The following RBM47 variants were observed in gnomAD, a reference collection of about 807,000 sequenced individuals.
RBM47 encodes the protein RNA binding motif protein 47.
A neutral mutation model predicts 47.1 loss-of-function variants in RBM47; 21 were observed. The ratio of observed to expected loss-of-function variants is 0.45; its 90% CI spans 0.32 to 0.64. The LOEUF is 0.64. Ranked by LOEUF, RBM47 falls within the 30% of genes least tolerant of loss-of-function variation. RBM47 has a pLI of 0.05. For missense variants in RBM47, 708 were observed against 870.9 expected (o/e 0.81, Z 2.35); for synonymous variants, 375 against 361.7 (o/e 1.04, Z -0.42).
At chr4:40,523,104 T>C (rs1726362068) in intron 2 of RBM47, among the ~76,000 whole-genome samples, 3 of 151,858 alleles carry the variant, frequency 2.0e-5, no homozygotes. Flanking sequence ...TAGCTGGGAT[T>C]ATAGGCATGC....
At chr4:40,558,038 C>T (rs1336313932) in intron 1 of RBM47, among the ~76,000 whole-genome samples, 1 of 152,188 alleles carries the variant, frequency 6.6e-6, no homozygotes, top group East Asian at 1.9e-4. Flanking sequence ...TTACATCGTC[C>T]TGAATTCCTC....
intron 1 of RBM47, among the ~76,000 whole-genome samples, chr4:40,570,609 G>A (rs934146274): frequency 1.3e-4 from 20 of 151,976 alleles, no homozygotes; most frequent in African/African-American, 4.6e-4. Flanking sequence ...GATCTAAAGG[G>A]CGTTCCTGAA....
At position 40,464,890 on chromosome 4, in the gene RBM47, CAAAAAAAAAAAAAAA is replaced by C. The variant is rs71646997; in HGVS notation, c.-32+1672_-32+1686del. Among the ~76,000 whole-genome samples the C allele has an allele frequency of 1.2e-4, 4 of 32,096 alleles. No homozygotes were observed. The South Asian group carries it at 7.3e-3, about 59-fold the overall frequency. 21.1% of individuals were successfully genotyped at this position (32,096 alleles called of 152,430 possible). A position where few individuals can be genotyped will look rare whatever the true frequency, so the allele number is the denominator to read the frequency against. Reference sequence around the variant, plus strand: ...TGGGCGACAGAGCAAGACTCTGTCTCAAAAAAAAAAAAAAAAAAAAAAAAAAGGAAAAGAAAATTA... The same window carrying C: ...TGGGCGACAGAGCAAGACTCTGTCTCAAAAAAAAAAAGGAAAAGAAAATTA... On this transcript the variant is annotated intron_variant, in intron 3 of 6. Coordinates refer to ENST00000295971, the MANE Select transcript of RBM47 (RefSeq NM_001098634.2).
intron 3 of RBM47, among the ~76,000 whole-genome samples, chr4:40,439,262 C>A (rs960106704): frequency 6.6e-6 from 1 of 152,210 alleles, no homozygotes; most frequent in Admixed American, 6.5e-5. Context: ...TTCATTCCTG[C>A]ACCGTTAACT....
chr4:40,561,779 C>T (rs6828311), intron 1 of RBM47, among the ~76,000 whole-genome samples: 38,976 of 151,752 alleles, frequency 0.26, 6,361 homozygotes, highest in African/African-American at 0.47. Flanking sequence ...CGAACTCCTG[C>T]GCTCAAGCAA....
intron 2 of RBM47, among the ~76,000 whole-genome samples, chr4:40,540,638 C>CAA (rs367927651): frequency 2.8e-5 from 3 of 106,952 alleles, no homozygotes; most frequent in Non-Finnish European, 5.6e-5. Context: ...AACTCTGTCT[C>CAA]AAAAAAAAAA....
At chr4:40,582,576 T>A (rs558589687) in intron 1 of RBM47, among the ~76,000 whole-genome samples, 1 of 152,216 alleles carries the variant, frequency 6.6e-6, no homozygotes. Flanking sequence ...TAGGATCTGA[T>A]GACATCACTC....
At position 40,581,857 on chromosome 4, in the gene RBM47, CA is replaced by C. The variant is rs1220495361; in HGVS notation, c.-239-37352del. On this transcript the variant is annotated intron_variant, in intron 1 of 6. Transcript: ENST00000295971. ...CCAGCTGTCTCCTGAACGCCAGCCC[CA>C]GGAGCAACCAGACCTCCCTCCTCCA... Among the ~76,000 whole-genome samples, 3 of 150,052 alleles carry C rather than the reference CA, an allele frequency of 2.0e-5. No homozygotes were observed. In the East Asian group the frequency reaches 6.1e-4, roughly 31 times the overall value.
In RBM47 at chr4:40,565,745, C is replaced by A. The variant is rs1731039996; in HGVS notation, c.-239-21239G>T. Among the ~76,000 whole-genome samples the A allele has an allele frequency of 2.0e-5, 3 of 152,074 alleles. No homozygotes were observed. The South Asian group carries it at 6.2e-4, about 32-fold the overall frequency. Reference sequence around the variant, plus strand: ...TCAGAGCAAGCCCAGGGCACAGGAACAAAGATAGAGAAAAAAGAGAGGATA... The same window carrying A: ...TCAGAGCAAGCCCAGGGCACAGGAAAAAAGATAGAGAAAAAAGAGAGGATA... On this transcript the variant is annotated intron_variant, in intron 1 of 6. Transcript: ENST00000295971.
At position 40,528,952 on chromosome 4, in the gene RBM47, AT is replaced by A. The variant is rs1166506605; in HGVS notation, c.-155+15469del. Among the ~76,000 whole-genome samples, 168 of 104,842 alleles carry A rather than the reference AT, an allele frequency of 1.6e-3. 6 individuals carry two copies. In the South Asian group the frequency reaches 0.025, roughly 15 times the overall value. The allele number at this position is 104,842 out of a possible 152,430, so 68.8% of individuals were successfully genotyped here. A position where few individuals can be genotyped will look rare whatever the true frequency, so the allele number is the denominator to read the frequency against. ...AGCGAGACTCCGTCTCAAAAAAAAA[AT>A]AAATAAATAAATAAATAAATAAATA... On this transcript the variant is annotated intron_variant, in intron 2 of 6. Transcript: ENST00000295971.
intron 1 of RBM47, among the ~76,000 whole-genome samples, chr4:40,609,046 T>G (rs1367684108): frequency 1.3e-5 from 2 of 152,082 alleles, no homozygotes; most frequent in African/African-American, 4.8e-5. Context: ...CAGGCTGGAG[T>G]GCGGTGGCAT....
At chr4:40,459,375 T>C (rs1716755063) in intron 3 of RBM47, among the ~76,000 whole-genome samples, 1 of 152,148 alleles carries the variant, frequency 6.6e-6, no homozygotes, top group African/African-American at 2.4e-5. Context: ...CCAAATTGCT[T>C]TGGACATTTT....
At chr4:40,462,574 C>A (rs1717325806) in intron 3 of RBM47, among the ~76,000 whole-genome samples, 1 of 152,106 alleles carries the variant, frequency 6.6e-6, no homozygotes, top group Non-Finnish European at 1.5e-5. Flanking sequence ...ACTGCTGTAT[C>A]CTAGTTACAT....
At chr4:40,522,369 G>C (rs1394276982) in intron 2 of RBM47, among the ~76,000 whole-genome samples, 1 of 152,130 alleles carries the variant, frequency 6.6e-6, no homozygotes, top group Admixed American at 6.6e-5. Flanking sequence ...GCCCGGCGTG[G>C]TGGCAGGCGC....
intron 3 of RBM47, among the ~76,000 whole-genome samples, chr4:40,457,481 A>G (rs1297957823): frequency 1.3e-5 from 2 of 151,744 alleles, no homozygotes; most frequent in African/African-American, 4.8e-5. Flanking sequence ...AAGGCTGTTT[A>G]CTCAGGGTGG....
At chr4:40,462,846 A>G (rs929222869) in intron 3 of RBM47, among the ~76,000 whole-genome samples, 8 of 152,310 alleles carry the variant, frequency 5.3e-5, no homozygotes, top group Non-Finnish European at 1.2e-4. Flanking sequence ...AAACTATAAG[A>G]CTTGGAAGAA....
At chr4:40,441,316 C>T (rs1417818732) in intron 3 of RBM47, among the ~76,000 whole-genome samples, 1 of 151,110 alleles carries the variant, frequency 6.6e-6, no homozygotes, top group Non-Finnish European at 1.5e-5. Flanking sequence ...TAGAGTCTCA[C>T]TATGTTACCC....
intron 2 of RBM47, among the ~76,000 whole-genome samples, chr4:40,509,322 G>GT (rs2154252756): frequency 6.6e-6 from 1 of 152,196 alleles, no homozygotes; most frequent in South Asian, 2.1e-4. Context: ...ATTTACTCAT[G>GT]TAAGCAAACA....
intron 1 of RBM47, among the ~76,000 whole-genome samples, chr4:40,557,398 C>T (rs1302669198): frequency 6.6e-6 from 1 of 152,132 alleles, no homozygotes; most frequent in African/African-American, 2.4e-5. Context: ...TCTATATGCT[C>T]ATCTGTGTTC....
Sources: gnomAD v4.1 joint callset for allele counts (sites outside exome capture counted in the v4.1 genomes callset) on GRCh38, gnomAD v4.1.1 for gene constraint, MANE v1.5 for transcripts, NCBI Gene and HGNC (gene_info 2026-07-23, HGNC 2026-07-21) for gene names.